Variants in BRAF observed in about 807,000 individuals in gnomAD.
BRAF encodes the protein B-Raf proto-oncogene, serine/threonine kinase, also known as serine/threonine-protein kinase B-raf.
A neutral mutation model predicts 104.6 loss-of-function variants in BRAF; 16 were observed. The observed-to-expected ratio is 0.15, with a 90% CI of 0.10 to 0.23. BRAF has a LOEUF of 0.23. Ranked by LOEUF, BRAF falls within the 10% of genes least tolerant of loss-of-function variation. The probability of loss-of-function intolerance (pLI) is 1.00; values close to 1 mark genes in which losing one functional copy is unlikely to be tolerated. For synonymous variants in BRAF, 310 were observed against 341.6 expected (o/e 0.91, Z 1.02); for missense variants, 541 against 937.3 (o/e 0.58, Z 5.52).
At chr7:140,751,601 A>T (rs1797795311) in intron 16 of BRAF, among the ~76,000 whole-genome samples, 1 of 152,212 alleles carries the variant, frequency 6.6e-6, no homozygotes, top group Non-Finnish European at 1.5e-5. Context: ...AACATTTCAG[A>T]TGTAGACTTA....
intron 10 of BRAF, 161 bp from the exon 10 acceptor site, chr7:140,783,318 G>A (rs897269641): frequency 1.4e-5 from 11 of 786,120 alleles, no homozygotes; most frequent in East Asian, 2.7e-5. Flanking sequence ...GCCTCATTTG[G>A]TGATTACAAC....
chr7:140,715,237 G>A (rs1425154340), downstream of BRAF, among the ~76,000 whole-genome samples: 1 of 152,172 alleles, frequency 6.6e-6, no homozygotes, highest in Non-Finnish European at 1.5e-5. Context: ...TGGAACAGTT[G>A]CACCCTCCCC....
In BRAF at chr7:140,726,498, T is replaced by G. The variant is rs1029743284; in HGVS notation, c.2420A>C (p.Lys807Thr). The G allele has an allele frequency of 6.5e-6, 10 of 1,536,496 alleles. No individual in the cohort carries two copies. The Admixed American group carries it at 1.2e-4, about 18-fold the overall frequency. ...AGGYGEFAAF[K>T] ...CAGATGCTGCCATGATGGTGGCTACTTGAAGGCTGCAAATTCTCCTGTAGA... is the reference window on the plus strand; with the variant it reads ...CAGATGCTGCCATGATGGTGGCTACGTGAAGGCTGCAAATTCTCCTGTAGA... Residue 807 changes from lysine to threonine, a missense_variant, in exon 20 of 20, where the codon AAG (lysine) becomes ACG (threonine). Physicochemically the swap from Lys to Thr is moderately conservative, Grantham distance 78. Transcript: ENST00000644969.
chr7:140,825,549 C>G (rs1805954172), intron 3 of BRAF, among the ~76,000 whole-genome samples: 1 of 152,142 alleles, frequency 6.6e-6, no homozygotes, highest in African/African-American at 2.4e-5. Context: ...TTAATTTTTA[C>G]TTTTCATTCC....
At chr7:140,882,250 C>G (rs2129104979) in intron 1 of BRAF, among the ~76,000 whole-genome samples, 1 of 152,200 alleles carries the variant, frequency 6.6e-6, no homozygotes, top group South Asian at 2.1e-4. Flanking sequence ...TTTGCACCAA[C>G]CTAATATTTA....
intron 1 of BRAF, among the ~76,000 whole-genome samples, chr7:140,873,286 C>T (rs1811828148): frequency 6.6e-6 from 1 of 151,344 alleles, no homozygotes; most frequent in Admixed American, 6.6e-5. Context: ...TTCTCCTGTC[C>T]TAGCCTTCCA....
rs768134774 is a variant in BRAF, at chr7:140,800,373, C to T, written c.969G>A (p.Ser323=). The change falls in exon 7 of 20, where the codon TCG becomes TCA. Residue 323 remains serine, a synonymous_variant. Coordinates refer to ENST00000644969, the MANE Select transcript of BRAF (RefSeq NM_001374258.1). The part of the protein sequence containing the change: ...TSGSSPSAPA[S]DSIGPQILTS... ...AAGTCAAACCATACCCAATAGAGTC[C>T]GAGGCGGGTGCGGAAGGGGATGATC... is the stretch of plus-strand genomic sequence containing the variant. 44 of 1,613,886 alleles carry T rather than the reference C, an allele frequency of 2.7e-5. No individual in the cohort carries two copies. Among genetic ancestry groups the T allele is most frequent in the Non-Finnish European group, 3.0e-5 (35 of 1,179,998 alleles).
At chr7:140,906,390 C>T (rs1268084530) in intron 1 of BRAF, among the ~76,000 whole-genome samples, 12 of 152,120 alleles carry the variant, frequency 7.9e-5, no homozygotes, top group East Asian at 3.9e-4. Context: ...TTTGTAGAGA[C>T]GGGATTTCAC....
chr7:140,898,455 G>A (rs1191173213), intron 1 of BRAF, among the ~76,000 whole-genome samples: 2 of 152,018 alleles, frequency 1.3e-5, no homozygotes, highest in Non-Finnish European at 2.9e-5. Context: ...TCTACAAATG[G>A]CATGTCTATA....
intron 4 of BRAF, 123 bp downstream of exon 4, chr7:140,808,769 T>A (rs1361814562): frequency 2.6e-6 from 2 of 776,778 alleles, no homozygotes; most frequent in Non-Finnish European, 4.4e-6. Context: ...AGTATTATTT[T>A]AATACTTTTT....
chr7:140,847,236 C>CTCATTAAAATATA (rs946492243), intron 2 of BRAF, among the ~76,000 whole-genome samples: 1 of 151,876 alleles, frequency 6.6e-6, no homozygotes, highest in African/African-American at 2.4e-5. Context: ...TATCCATCCC[C>CTCATTAAAATATA]TCATTAAAAT....
At chr7:140,807,935 C>CAA in intron 5 of BRAF, 25 bp downstream of exon 5, 1 of 1,520,438 alleles carries the variant, frequency 6.6e-7, no homozygotes. Flanking sequence ...TTTGACATTT[C>CAA]AAAAAAAAAT....
intron 2 of BRAF, among the ~76,000 whole-genome samples, chr7:140,847,550 T>A (rs989484468): frequency 6.6e-6 from 1 of 151,282 alleles, no homozygotes; most frequent in Non-Finnish European, 1.5e-5. Flanking sequence ...GCCACTGCAC[T>A]CCAGCCCGGG....
intron 2 of BRAF, among the ~76,000 whole-genome samples, chr7:140,842,103 G>A (rs571520634): frequency 5.1e-4 from 78 of 152,160 alleles, no homozygotes; most frequent in African/African-American, 1.9e-3. Context: ...TCATTGAAGG[G>A]TTTGACACAA....
intron 4 of BRAF, 137 bp downstream of exon 4, chr7:140,808,751 GCTAA>G (rs1448044059): frequency 3.3e-5 from 23 of 706,700 alleles, no homozygotes; most frequent in Non-Finnish European, 4.5e-5. Context: ...ATTTCTTCAG[GCTAA>G]CTTAGTATTA....
chr7:140,753,172 A>C lies in BRAF; in HGVS notation c.1980+103T>G, dbSNP rs139797777. 1.3e-4 allele frequency: 111 copies of C among 839,922 alleles called. No individual in the cohort carries two copies. In the African/African-American group the frequency reaches 1.7e-3, roughly 13 times the overall value. The allele number at this position is 839,922 out of a possible 1,614,324, so 52.0% of individuals were successfully genotyped here. A position where few individuals can be genotyped will look rare whatever the true frequency, so the allele number is the denominator to read the frequency against. On this transcript the variant is annotated intron_variant, in intron 16 of 19. Transcript: ENST00000644969. ...ACACTGATTTTTGTGAATACTGGGAACTATGAAAATACTATAGTTGAGACC... is the reference window on the plus strand; with the variant it reads ...ACACTGATTTTTGTGAATACTGGGACCTATGAAAATACTATAGTTGAGACC...
chr7:140,874,813 G>A (rs998411774), intron 1 of BRAF, among the ~76,000 whole-genome samples: 1 of 152,160 alleles, frequency 6.6e-6, no homozygotes, highest in Non-Finnish European at 1.5e-5. Context: ...GGGCCTGATG[G>A]GAGAAAATTG....
intron 1 of BRAF, among the ~76,000 whole-genome samples, chr7:140,881,961 A>G (rs191283299): frequency 1.2e-3 from 179 of 152,300 alleles, no homozygotes; most frequent in African/African-American, 3.8e-3. Flanking sequence ...AAAACAGACA[A>G]AGTTTGAAAT....
chr7:140,715,778 T>G (rs148341231), downstream of BRAF, among the ~76,000 whole-genome samples: 25 of 152,324 alleles, frequency 1.6e-4, no homozygotes, highest in African/African-American at 5.5e-4. Flanking sequence ...TGGCAATATA[T>G]AGTTACAGGA....
Sources: gnomAD v4.1 joint callset for allele counts (sites outside exome capture counted in the v4.1 genomes callset) on GRCh38, gnomAD v4.1.1 for gene constraint, MANE v1.5 for transcripts, NCBI Gene and HGNC (gene_info 2026-07-23, HGNC 2026-07-21) for gene names.